The following STK31 variants were observed in gnomAD, a reference collection of about 807,000 sequenced individuals.
STK31 encodes the protein serine/threonine-protein kinase 31.
A neutral mutation model predicts 129.7 loss-of-function variants in STK31; 89 were observed. The observed-to-expected ratio is 0.69, with a 90% CI of 0.58 to 0.82. STK31 has a LOEUF of 0.82. Among genes scored for constraint, STK31 ranks in the 40% least tolerant of loss-of-function variants. STK31 has a pLI of 0.00. For synonymous variants in STK31, 448 were observed against 395.3 expected (o/e 1.13, Z -1.58); for missense variants, 1,187 against 1,176.4 (o/e 1.01, Z -0.13).
At chr7:23,813,187 A>T (rs1793259482) in intron 22 of STK31, among the ~76,000 whole-genome samples, 1 of 144,846 alleles carries the variant, frequency 6.9e-6, no homozygotes, top group Non-Finnish European at 1.5e-5. Flanking sequence ...CTGTCATTTC[A>T]ATTTATCCCA....
At chr7:23,717,018 A>G (rs1786373271) in intron 3 of STK31, among the ~76,000 whole-genome samples, 1 of 149,760 alleles carries the variant, frequency 6.7e-6, no homozygotes, top group Non-Finnish European at 1.5e-5. Flanking sequence ...GCTAGTCTCA[A>G]ACTCCTGGGC....
intron 8 of STK31, among the ~76,000 whole-genome samples, chr7:23,742,193 G>GA (rs1788090916): frequency 1.3e-5 from 2 of 152,230 alleles, no homozygotes; most frequent in African/African-American, 4.8e-5. Flanking sequence ...ATTGAACTCA[G>GA]AAAATGGTGC....
chr7:23,785,310 G>A (rs889717833), intron 17 of STK31, among the ~76,000 whole-genome samples, 168 bp from the exon 18 acceptor site: 85 of 152,302 alleles, frequency 5.6e-4, no homozygotes, highest in African/African-American at 2.0e-3. Flanking sequence ...GAGTTTAAGA[G>A]CCAGGAACTG....
intron 17 of STK31, 147 bp from the exon 18 acceptor site, chr7:23,785,331 A>T: frequency 9.2e-7 from 1 of 1,091,744 alleles, no homozygotes; most frequent in Non-Finnish European, 1.3e-6. Context: ...GAGAAAGTAC[A>T]CAGTTTTAAA....
At chr7:23,748,772 G>T (rs1788508579) in intron 8 of STK31, among the ~76,000 whole-genome samples, 1 of 152,106 alleles carries the variant, frequency 6.6e-6, no homozygotes, top group South Asian at 2.1e-4. Context: ...ATAACATACA[G>T]AATACTTGCT....
At chr7:23,789,268 A>G (rs1482216918) in intron 21 of STK31, among the ~76,000 whole-genome samples, 2 of 152,100 alleles carry the variant, frequency 1.3e-5, no homozygotes, top group African/African-American at 4.8e-5. Context: ...GCTTTAGCAT[A>G]CAATATTTTT....
intron 15 of STK31, among the ~76,000 whole-genome samples, chr7:23,778,756 C>G (rs572330816): frequency 6.6e-6 from 1 of 152,044 alleles, no homozygotes; most frequent in Non-Finnish European, 1.5e-5. Flanking sequence ...AGGTTCTTAG[C>G]TTCCTTCCAT....
chr7:23,763,004 T>C (rs902832099), intron 11 of STK31, 81 bp downstream of exon 11: 2 of 1,268,138 alleles, frequency 1.6e-6, no homozygotes, highest in Non-Finnish European at 1.0e-6. Context: ...CTTAAGACTT[T>C]AGATTGTTCT....
chr7:23,732,952 G>A (rs1040303685), intron 6 of STK31, among the ~76,000 whole-genome samples: 1 of 152,082 alleles, frequency 6.6e-6, no homozygotes, highest in Admixed American at 6.5e-5. Context: ...ATATATTTCA[G>A]TTAGTTATAT....
chr7:23,743,866 AGTCTT>A (rs1269099669), intron 8 of STK31, among the ~76,000 whole-genome samples: 18 of 149,664 alleles, frequency 1.2e-4, no homozygotes, highest in African/African-American at 2.2e-4. Flanking sequence ...TTAGTTCAAA[AGTCTT>A]GTCTTAAGTT....
At position 23,781,409 on chromosome 7, in the gene STK31, C is replaced by G; in HGVS notation, c.1966-10C>G. On this transcript the variant is annotated splice_polypyrimidine_tract_variant and intron_variant, in intron 15 of 23. Coordinates refer to ENST00000355870, the MANE Select transcript of STK31 (RefSeq NM_031414.5). The stretch of plus-strand genomic sequence containing the variant: ...TGTTAATAAAAAACACTTTTTCTTT[C>G]TGATTCAAGTCAGATGATCCTGATG... The G allele has an allele frequency of 6.3e-7, 1 of 1,588,922 alleles. No homozygotes were observed. Among genetic ancestry groups the G allele is most frequent in the Non-Finnish European group, 8.6e-7 (1 of 1,168,790 alleles).
chr7:23,803,615 A>G (rs1257616532), intron 22 of STK31, among the ~76,000 whole-genome samples: 2 of 152,180 alleles, frequency 1.3e-5, no homozygotes, highest in African/African-American at 4.8e-5. Context: ...TTGGGGGTAC[A>G]TATGCAGGTT....
At chr7:23,761,779 A>G (rs1789480686) in intron 10 of STK31, among the ~76,000 whole-genome samples, 1 of 150,732 alleles carries the variant, frequency 6.6e-6, no homozygotes, top group Non-Finnish European at 1.5e-5. Context: ...TAGTTTTAAA[A>G]TAATCTGGTT....
At chr7:23,763,179 G>C (rs1452270077) in intron 11 of STK31, among the ~76,000 whole-genome samples, 7 of 152,148 alleles carry the variant, frequency 4.6e-5, no homozygotes, top group Non-Finnish European at 8.8e-5. Flanking sequence ...AATTAATGGA[G>C]ACAGGAGCAG....
intron 6 of STK31, among the ~76,000 whole-genome samples, chr7:23,730,580 G>C (rs1005519321): frequency 6.6e-6 from 1 of 151,682 alleles, no homozygotes; most frequent in Non-Finnish European, 1.5e-5. Flanking sequence ...AATATTATCT[G>C]CTCTCACTTT....
intron 22 of STK31, among the ~76,000 whole-genome samples, chr7:23,795,336 T>C (rs1339330477): frequency 6.6e-6 from 1 of 152,206 alleles, no homozygotes; most frequent in South Asian, 2.1e-4. Context: ...GGTTTGAGCC[T>C]GAAGGTGCAC....
chr7:23,761,546 G>A (rs1379829478), intron 10 of STK31, among the ~76,000 whole-genome samples: 1 of 150,994 alleles, frequency 6.6e-6, no homozygotes, highest in Admixed American at 6.6e-5. Context: ...TCAGCCTCCC[G>A]AGTTGCTGGG....
Position 23,772,216 on chromosome 7 carries a change from A to T in STK31, c.1903A>T (p.Thr635Ser). Residue 635 changes from threonine (T) to serine (S), a missense_variant, in exon 15 of 24, where the codon ACA (threonine) becomes TCA (serine). By Grantham distance (58) the Thr-to-Ser change is moderately conservative. Coordinates refer to ENST00000355870, the MANE Select transcript of STK31 (RefSeq NM_031414.5). ...GGATCACTTGCTATCCATTAAGAAGACATTGAAAAGCTTAAAAGCTCTACT... is the reference window on the plus strand; with the variant it reads ...GGATCACTTGCTATCCATTAAGAAGTCATTGAAAAGCTTAAAAGCTCTACT... ...SVDHLLSIKK[T>S]LKSLKALLRW... 6.2e-7 allele frequency: 1 copy of T among 1,608,946 alleles called. No homozygotes were observed. The highest frequency in any genetic ancestry group is 1.1e-5 in the South Asian group (1 of 90,324).
At chr7:23,827,261 C>T (rs1406825950) in intron 23 of STK31, among the ~76,000 whole-genome samples, 19 of 152,330 alleles carry the variant, frequency 1.2e-4, no homozygotes, top group African/African-American at 3.4e-4. Flanking sequence ...GGTCTTTTCA[C>T]GTAGTCCCAT....
Sources: gnomAD v4.1 joint callset for allele counts (sites outside exome capture counted in the v4.1 genomes callset) on GRCh38, gnomAD v4.1.1 for gene constraint, MANE v1.5 for transcripts, NCBI Gene and HGNC (gene_info 2026-07-23, HGNC 2026-07-21) for gene names.